Variants in SLC9A2 observed in about 807,000 individuals in gnomAD.
The protein encoded by SLC9A2 is solute carrier family 9 member A2, also known as sodium/hydrogen exchanger 2.
SLC9A2 carries 42 observed loss-of-function variants against 71.7 expected under a neutral mutation model. The observed-to-expected ratio is 0.59, with a 90% CI of 0.46 to 0.76. The LOEUF (loss-of-function observed/expected upper bound fraction) is 0.76. SLC9A2 is among the 30% of genes least tolerant of loss of function. The pLI is 0.00. For missense variants in SLC9A2, 829 were observed against 1,017.4 expected (o/e 0.81, Z 2.52); for synonymous variants, 396 against 392.5 (o/e 1.01, Z -0.10).
chr2:102,690,876 A>T (rs1405834060), intron 5 of SLC9A2, among the ~76,000 whole-genome samples: 1 of 152,004 alleles, frequency 6.6e-6, no homozygotes, highest in Admixed American at 6.6e-5. Flanking sequence ...CCTGATAATC[A>T]GCAAGGAAAT....
At chr2:102,691,257 T>A (rs1444147617) in intron 5 of SLC9A2, among the ~76,000 whole-genome samples, 1 of 152,174 alleles carries the variant, frequency 6.6e-6, no homozygotes, top group East Asian at 1.9e-4. Context: ...TGCAAATATT[T>A]CTACTGGTAG....
chr2:102,641,108 G>C (rs921398374), intron 1 of SLC9A2, among the ~76,000 whole-genome samples: 2 of 152,134 alleles, frequency 1.3e-5, no homozygotes, highest in African/African-American at 4.8e-5. Context: ...GAGCGTCACA[G>C]TGAATAAAAC....
intron 1 of SLC9A2, among the ~76,000 whole-genome samples, chr2:102,635,118 T>C (rs972379502): frequency 6.6e-6 from 1 of 152,260 alleles, no homozygotes; most frequent in Non-Finnish European, 1.5e-5. Context: ...AAAGTAATTA[T>C]TGCTATTTTA....
chr2:102,686,109 T>C lies in SLC9A2; in HGVS notation c.1425+1773T>C, dbSNP rs138151399. Among the ~76,000 whole-genome samples, 609 of 152,346 alleles carry C rather than the reference T, an allele frequency of 4.0e-3. 21 individuals carry two copies. Among genetic ancestry groups the C allele is most frequent in the Admixed American group, 0.038 (581 of 15,294 alleles). On this transcript the variant is annotated intron_variant, in intron 5 of 11. Transcript: ENST00000233969. ...ATTTATTTAAAAGTTAGTCACAGAA[T>C]GCTTTCTAGGTACCTGATGCAAATC... is the stretch of plus-strand genomic sequence containing the variant.
chr2:102,685,340 C>T (rs1279117928), intron 5 of SLC9A2, among the ~76,000 whole-genome samples: 1 of 152,172 alleles, frequency 6.6e-6, no homozygotes, highest in African/African-American at 2.4e-5. Flanking sequence ...GGCCATGCAG[C>T]CCAGTGTATG....
Position 102,694,499 on chromosome 2 carries a change from G to T in SLC9A2, c.1511G>T (p.Cys504Phe). ...CAAGCTGTCAGTGAAGAAATCTATT[G>T]TCGGGTAGGTGTTAAGAGAGTGTAA... Reference protein sequence around the residue: ...KQQAVSEEIYCRLFDHVKTGI... With the variant: ...KQQAVSEEIYFRLFDHVKTGI... The change falls in exon 6 of 12, where the codon TGT becomes TTT. Residue 504 changes from cysteine (C) to phenylalanine (F), a missense_variant. By Grantham distance (205) the Cys-to-Phe change is radical (BLOSUM62 -2). Around this residue, in one of 3 missense-constraint regions of SLC9A2, gnomAD observed 500 missense variants for 726.3 expected, o/e 0.69. Coordinates refer to ENST00000233969, the MANE Select transcript of SLC9A2 (RefSeq NM_003048.6). The T allele has an allele frequency of 6.6e-7, 1 of 1,507,124 alleles. No homozygotes were observed. Among genetic ancestry groups the T allele is most frequent in the Non-Finnish European group, 9.1e-7 (1 of 1,103,788 alleles). 93.4% of individuals were successfully genotyped at this position (1,507,124 alleles called of 1,614,324 possible).
At chr2:102,620,266 T>C in intron 1 of SLC9A2, 129 bp downstream of exon 1, 1 of 726,512 alleles carries the variant, frequency 1.4e-6, no homozygotes, top group Non-Finnish European at 2.1e-6. Flanking sequence ...GGACGACAGA[T>C]GGAGCAGCTT....
In SLC9A2 at chr2:102,710,945, T is replaced by C. The variant is rs530736721; in HGVS notation, c.*2456T>C. 6.6e-5 allele frequency: 10 copies of C among 152,466 alleles called. No individual in the cohort carries two copies. The highest frequency in any genetic ancestry group is 1.2e-4 in the Non-Finnish European group (8 of 68,036). 9.4% of individuals were successfully genotyped at this position (152,466 alleles called of 1,614,324 possible). A position where few individuals can be genotyped will look rare whatever the true frequency, so the allele number is the denominator to read the frequency against. ...TGAAAAGTCGGGGTTTATTACTTTATATGTAATGCTGAGAGGAGACTGTTG... is the reference window on the plus strand; with the variant it reads ...TGAAAAGTCGGGGTTTATTACTTTACATGTAATGCTGAGAGGAGACTGTTG... On this transcript the variant is annotated 3_prime_UTR_variant, in exon 12 of 12. Transcript: ENST00000233969.
At chr2:102,623,056 A>G (rs1242096703) in intron 1 of SLC9A2, among the ~76,000 whole-genome samples, 1 of 152,186 alleles carries the variant, frequency 6.6e-6, no homozygotes, top group Non-Finnish European at 1.5e-5. Flanking sequence ...TCTCTCCACT[A>G]GCATCTTTTT....
intron 9 of SLC9A2, among the ~76,000 whole-genome samples, chr2:102,703,277 C>T (rs770953446): frequency 2.0e-5 from 3 of 152,146 alleles, no homozygotes; most frequent in African/African-American, 7.2e-5. Flanking sequence ...CTAAACTATT[C>T]GTTGAAAATT....
At chr2:102,626,938 T>C (rs575141018) in intron 1 of SLC9A2, among the ~76,000 whole-genome samples, 2 of 152,294 alleles carry the variant, frequency 1.3e-5, no homozygotes, top group South Asian at 2.1e-4. Context: ...TCTTACAGAA[T>C]TATTTCACCT....
At chr2:102,640,345 C>T (rs1573402322) in intron 1 of SLC9A2, among the ~76,000 whole-genome samples, 1 of 152,194 alleles carries the variant, frequency 6.6e-6, no homozygotes, top group African/African-American at 2.4e-5. Context: ...TCACCCTAAC[C>T]ACCTGGAGTC....
At chr2:102,624,112 A>G (rs1312068200) in intron 1 of SLC9A2, among the ~76,000 whole-genome samples, 1 of 152,212 alleles carries the variant, frequency 6.6e-6, no homozygotes, top group African/African-American at 2.4e-5. Flanking sequence ...TTACCAAAAC[A>G]ATGATGATAA....
At chr2:102,635,413 C>T (rs181293664) in intron 1 of SLC9A2, among the ~76,000 whole-genome samples, 25 of 152,304 alleles carry the variant, frequency 1.6e-4, no homozygotes, top group Admixed American at 3.3e-4. Flanking sequence ...GACTCTGGCT[C>T]GAGGAGCTTT....
rs755063942 is a variant in SLC9A2, at chr2:102,657,706, C to T, written c.432C>T (p.Tyr144=). The T allele has an allele frequency of 1.2e-6, 2 of 1,614,156 alleles. No homozygotes were observed. Among genetic ancestry groups the T allele is most frequent in the Non-Finnish European group, 1.7e-6 (2 of 1,180,024 alleles). ...PAMKTDVFFL[Y]LLPPIVLDAG... ...TGAAGACTGATGTATTTTTCTTGTA[C>T]CTCCTCCCACCCATCGTGCTGGATG... is the stretch of plus-strand genomic sequence containing the variant. Residue 144 remains tyrosine (Y), a synonymous_variant, in exon 2 of 12, where the codon TAC becomes TAT. Transcript: ENST00000233969.
At chr2:102,691,830 G>A (rs1270964477) in intron 5 of SLC9A2, among the ~76,000 whole-genome samples, 1 of 152,190 alleles carries the variant, frequency 6.6e-6, no homozygotes, top group Non-Finnish European at 1.5e-5. Context: ...CTGTAGGGTG[G>A]AAGGAATCAA....
chr2:102,704,746 G>A, intron 10 of SLC9A2, 71 bp downstream of exon 10: 17 of 1,481,070 alleles, frequency 1.1e-5, no homozygotes, highest in Non-Finnish European at 1.4e-5. Context: ...TCAGCTGATG[G>A]TATCATCAGC....
chr2:102,645,364 G>A (rs749093952), intron 1 of SLC9A2, among the ~76,000 whole-genome samples: 8 of 152,106 alleles, frequency 5.3e-5, no homozygotes, highest in Non-Finnish European at 1.2e-4. Context: ...CAGAAGGGCT[G>A]AATATTCCAA....
chr2:102,646,348 A>C (rs1676723634), intron 1 of SLC9A2, among the ~76,000 whole-genome samples: 1 of 152,234 alleles, frequency 6.6e-6, no homozygotes, highest in South Asian at 2.1e-4. Context: ...CTGCAAAAAC[A>C]TACCAAAATA....
Sources: allele counts gnomAD v4.1 joint callset (sites outside exome capture counted in the v4.1 genomes callset), GRCh38; gene constraint gnomAD v4.1.1; regional missense constraint gnomAD v4.1.1; transcripts MANE v1.5; gene names NCBI Gene and HGNC (gene_info 2026-07-23, HGNC 2026-07-21).